Variants in RAD21 observed in about 807,000 individuals in gnomAD.
The protein encoded by RAD21 is RAD21 cohesin complex component, also known as double-strand-break repair protein rad21 homolog.
Under a neutral mutation model 71.5 loss-of-function variants are expected in RAD21, and 18 were observed. The ratio of observed to expected loss-of-function variants is 0.25; its 90% CI spans 0.17 to 0.37. The LOEUF (loss-of-function observed/expected upper bound fraction) is 0.37. Among genes scored for constraint, RAD21 ranks in the 10% least tolerant of loss-of-function variants. The pLI, the probability that RAD21 is intolerant of heterozygous loss-of-function variation, is 1.00. For synonymous variants in RAD21, 248 were observed against 254.0 expected (o/e 0.98, Z 0.22); for missense variants, 493 against 769.1 (o/e 0.64, Z 4.25).
At position 116,847,074 on chromosome 8, in the gene RAD21, GT is replaced by G. The variant is rs951967788; in HGVS notation, c.*425del. On this transcript the variant is annotated 3_prime_UTR_variant, in exon 14 of 14. Transcript: ENST00000297338. ...TACTGATGGAAAGAAGTGTTTGTTT[GT>G]TTTTTTTTCTTGTCAAAGACTTACA... 8.9e-5 allele frequency: 20 copies of G among 224,404 alleles called. No homozygotes were observed. The highest frequency in any genetic ancestry group is 1.8e-4 in the Non-Finnish European group (20 of 113,026). The allele number at this position is 224,404 out of a possible 1,614,324, so 13.9% of individuals were successfully genotyped here.
intron 9 of RAD21, among the ~76,000 whole-genome samples, chr8:116,853,365 G>A (rs13276790): frequency 4.6e-5 from 7 of 152,118 alleles, no homozygotes; most frequent in African/African-American, 1.4e-4. Flanking sequence ...AGGCATGAGC[G>A]ACTGCTTCTG....
chr8:116,866,894 G>GT (rs751113557), intron 1 of RAD21, 133 bp from the exon 2 acceptor site: 55 of 518,068 alleles, frequency 1.1e-4, no homozygotes, highest in African/African-American at 8.3e-4. Flanking sequence ...TGTTTAATAT[G>GT]TATTTTAAAA....
chr8:116,861,723 T>C (rs755560739), intron 4 of RAD21, 118 bp downstream of exon 4: 31 of 635,336 alleles, frequency 4.9e-5, no homozygotes, highest in Non-Finnish European at 7.9e-5. Flanking sequence ...TATATAAATA[T>C]ATATATGCAT....
chr8:116,853,827 AAAACAAAC>A (rs200833458), intron 9 of RAD21, among the ~76,000 whole-genome samples: 9 of 152,230 alleles, frequency 5.9e-5, no homozygotes, highest in African/African-American at 1.2e-4. Context: ...TATAAATGGA[AAAACAAAC>A]AAACAAACAA....
At chr8:116,859,663 C>T (rs1293187946) in intron 4 of RAD21, among the ~76,000 whole-genome samples, 1 of 152,074 alleles carries the variant, frequency 6.6e-6, no homozygotes, top group Non-Finnish European at 1.5e-5. Flanking sequence ...CTCCCCCACC[C>T]CCGCAATGTT....
In RAD21 at chr8:116,863,315, C is replaced by CT. The variant is rs1235566670; in HGVS notation, c.145-57dup. ...ACCTGCATTTCGTGCCATTCATAGT[C>CT]TTCTTTTTATCTTTTTCCTTTAAAG... On this transcript the variant is annotated intron_variant, in intron 2 of 13. Transcript: ENST00000297338. 5.8e-6 allele frequency: 9 copies of CT among 1,542,960 alleles called. No homozygotes were observed. The African/African-American group carries it at 6.8e-5, about 12-fold the overall frequency.
At position 116,866,685 on chromosome 8, in the gene RAD21, G is replaced by C; in HGVS notation, c.45C>G (p.Ala15=). The C allele has an allele frequency of 6.2e-7, 1 of 1,613,278 alleles. No individual in the cohort carries two copies. Among genetic ancestry groups the C allele is most frequent in the Non-Finnish European group, 8.5e-7 (1 of 1,179,650 alleles). ...CCCAATGGGCCGCTAGCCAAATTTT[G>C]GCCAGAGGCCCTCTTTTACTGAGAA... ...HFVLSKRGPL[A]KIWLAAHWDK... Residue 15 remains alanine (A), a synonymous_variant, in exon 2 of 14, where the codon GCC becomes GCG. Transcript: ENST00000297338.
intron 2 of RAD21, among the ~76,000 whole-genome samples, chr8:116,866,095 C>G (rs1467963762): frequency 6.6e-6 from 1 of 152,154 alleles, no homozygotes; most frequent in Non-Finnish European, 1.5e-5. Context: ...TCTGCCTACT[C>G]AACCCTCCAT....
chr8:116,848,171 C>T (rs1296298853), intron 13 of RAD21, among the ~76,000 whole-genome samples: 1 of 152,152 alleles, frequency 6.6e-6, no homozygotes, highest in Non-Finnish European at 1.5e-5. Context: ...AACACAGATG[C>T]TAATTTTGGT....
rs1812270259 is a variant in RAD21 at position 116,847,431 on chromosome 8, G to A, written c.*69C>T. The A allele has an allele frequency of 3.0e-6, 4 of 1,338,430 alleles. No individual in the cohort carries two copies. In the South Asian group the frequency reaches 6.0e-5, roughly 20 times the overall value. The allele number at this position is 1,338,430 out of a possible 1,614,324, so 82.9% of individuals were successfully genotyped here. A position where few individuals can be genotyped will look rare whatever the true frequency, so the allele number is the denominator to read the frequency against. ...TCTAAGTTTTCTCAAAGGGTTCTGT[G>A]TCCCCTACACATGGGGGCAATTTGT... On this transcript the variant is annotated 3_prime_UTR_variant, in exon 14 of 14. Transcript: ENST00000297338.
chr8:116,858,523 C>A lies in RAD21; in HGVS notation c.375-65G>T, dbSNP rs1232602734. 8 of 1,315,342 alleles carry A rather than the reference C, an allele frequency of 6.1e-6. No homozygotes were observed. In the Middle Eastern group the frequency reaches 1.3e-3, roughly 215 times the overall value. 81.5% of individuals were successfully genotyped at this position (1,315,342 alleles called of 1,614,324 possible). A position where few individuals can be genotyped will look rare whatever the true frequency, so the allele number is the denominator to read the frequency against. ...TGTATAAGAAAAACAAATCCCAATTCTCTCTATAAGAAAAATTAAAAAAAT... is the reference window on the plus strand; with the variant it reads ...TGTATAAGAAAAACAAATCCCAATTATCTCTATAAGAAAAATTAAAAAAAT... On this transcript the variant is annotated intron_variant, in intron 4 of 13. Transcript: ENST00000297338.
At chr8:116,870,790 C>T (rs747820271) in intron 1 of RAD21, among the ~76,000 whole-genome samples, 14 of 152,280 alleles carry the variant, frequency 9.2e-5, no homozygotes, top group Non-Finnish European at 1.9e-4. Flanking sequence ...TAAATATGTG[C>T]TTAATGAATA....
chr8:116,846,380 A>C lies in RAD21; in HGVS notation c.*1120T>G. On this transcript the variant is annotated 3_prime_UTR_variant, in exon 14 of 14. Transcript: ENST00000297338. ...AAAAAGTTAAGACATTCTGATAATC[A>C]TAACAGTCACATGATTTCTGATGCT... 4.4e-6 allele frequency: 1 copy of C among 229,566 alleles called. No homozygotes were observed. The highest frequency in any genetic ancestry group is 2.2e-5 in the African/African-American group (1 of 45,246). The allele number at this position is 229,566 out of a possible 1,614,324, so 14.2% of individuals were successfully genotyped here. A position where few individuals can be genotyped will look rare whatever the true frequency, so the allele number is the denominator to read the frequency against.
At chr8:116,873,675 G>A (rs1812893496) in intron 1 of RAD21, among the ~76,000 whole-genome samples, 1 of 151,648 alleles carries the variant, frequency 6.6e-6, no homozygotes, top group African/African-American at 2.4e-5. Flanking sequence ...AAATCAGAGT[G>A]ACCAAGTAAA....
rs1323691683 is a variant in RAD21, at chr8:116,866,885, G to A, written c.-32-124C>T. 6 of 535,798 alleles carry A rather than the reference G, an allele frequency of 1.1e-5. No individual in the cohort carries two copies. In the East Asian group the frequency reaches 1.4e-4, roughly 12 times the overall value. The allele number at this position is 535,798 out of a possible 1,614,324, so 33.2% of individuals were successfully genotyped here. Reference sequence around the variant, plus strand: ...AAAACTATAAAATGCTTGAGTAAATGTTTAATATGTATTTTAAAAACAACA... The same window carrying A: ...AAAACTATAAAATGCTTGAGTAAATATTTAATATGTATTTTAAAAACAACA... On this transcript the variant is annotated intron_variant, in intron 1 of 13. Transcript: ENST00000297338.
chr8:116,854,117 G>A (rs1812414596), intron 9 of RAD21, 128 bp downstream of exon 9: 2 of 681,836 alleles, frequency 2.9e-6, no homozygotes, highest in South Asian at 2.0e-5. Context: ...TGTGATTTAA[G>A]GGAGAAAAAA....
At chr8:116,858,256 A>C in intron 5 of RAD21, 96 bp downstream of exon 5, 2 of 885,648 alleles carry the variant, frequency 2.3e-6, no homozygotes, top group South Asian at 1.7e-5. Flanking sequence ...TGAAATTTTA[A>C]GTCTTTCTGT....
intron 5 of RAD21, among the ~76,000 whole-genome samples, 153 bp from the exon 6 acceptor site, chr8:116,857,626 T>C (rs1355569014): frequency 6.6e-6 from 1 of 152,190 alleles, no homozygotes; most frequent in African/African-American, 2.4e-5. Context: ...TTTAATTCTT[T>C]AGCATCTGAA....
chr8:116,850,515 A>G, intron 12 of RAD21, 103 bp downstream of exon 12: 1 of 1,495,710 alleles, frequency 6.7e-7, no homozygotes, highest in South Asian at 1.4e-5. Context: ...ACATTTTTAA[A>G]TAACTCTGAT....
Sources: gnomAD v4.1 joint callset for allele counts (sites outside exome capture counted in the v4.1 genomes callset) on GRCh38, gnomAD v4.1.1 for gene constraint, MANE v1.5 for transcripts, NCBI Gene and HGNC (gene_info 2026-07-23, HGNC 2026-07-21) for gene names.